Variants in ADCY5 observed in about 807,000 individuals in gnomAD.
ADCY5 encodes the protein adenylate cyclase type 5.
In ADCY5, 30 loss-of-function variants were observed where a neutral mutation model predicts 119.7. The observed-to-expected ratio is 0.25, with a 90% CI of 0.19 to 0.34. The LOEUF (loss-of-function observed/expected upper bound fraction) is 0.34. Ranked by LOEUF, ADCY5 falls within the 10% of genes least tolerant of loss-of-function variation. The probability of loss-of-function intolerance (pLI) is 1.00; values close to 1 mark genes in which losing one functional copy is unlikely to be tolerated. For synonymous variants in ADCY5, 753 were observed against 762.2 expected, an observed-to-expected ratio of 0.99 and a Z score of 0.20; for missense variants, 1,324 against 1,775.2, an observed-to-expected ratio of 0.75 and a Z score of 4.57.
intron 17 of ADCY5, among the ~76,000 whole-genome samples, chr3:123,295,571 C>T (rs1413367957): frequency 1.3e-5 from 2 of 152,224 alleles, no homozygotes; most frequent in African/African-American, 2.4e-5. Context: ...CAGTCCATCC[C>T]CTCTGGAGAA....
chr3:123,358,195 T>TGTGTGTGTGTGTATGTGTGTGTGA (rs58986112), intron 1 of ADCY5, among the ~76,000 whole-genome samples: 1 of 149,080 alleles, frequency 6.7e-6, no homozygotes, highest in African/African-American at 2.5e-5. Context: ...TGTGTGTGTG[T>TGTGTGTGTGTGTATGTGTGTGTGA]AGGGAGTTGG....
At chr3:123,405,725 C>A (rs1329229335) in intron 1 of ADCY5, among the ~76,000 whole-genome samples, 1 of 152,206 alleles carries the variant, frequency 6.6e-6, no homozygotes, top group African/African-American at 2.4e-5. Context: ...ACCTCCACCT[C>A]CCAGGTTCAA....
intron 8 of ADCY5, among the ~76,000 whole-genome samples, chr3:123,324,735 C>T (rs1941392388): frequency 6.6e-6 from 1 of 152,218 alleles, no homozygotes; most frequent in Admixed American, 6.5e-5. Context: ...GTGGAGCTGA[C>T]ACCCGACCAT....
chr3:123,431,382 C>T (rs968790041), intron 1 of ADCY5, among the ~76,000 whole-genome samples: 1 of 151,994 alleles, frequency 6.6e-6, no homozygotes, highest in African/African-American at 2.4e-5. Context: ...CTGTAATGCA[C>T]TATGATTGTG....
chr3:123,431,751 GT>G (rs1212911374), intron 1 of ADCY5, among the ~76,000 whole-genome samples: 4 of 152,130 alleles, frequency 2.6e-5, no homozygotes, highest in African/African-American at 7.2e-5. Context: ...CACCAACCAA[GT>G]TTTCTTCCCC....
At chr3:123,300,347 G>A in intron 14 of ADCY5, 52 bp from the exon 15 acceptor site, 1 of 1,581,686 alleles carries the variant, frequency 6.3e-7, no homozygotes, top group Non-Finnish European at 8.6e-7. Context: ...CCGACCCCGG[G>A]CCCTGGCCCC....
At chr3:123,409,570 A>G (rs1260112756) in intron 1 of ADCY5, among the ~76,000 whole-genome samples, 1 of 152,208 alleles carries the variant, frequency 6.6e-6, no homozygotes, top group African/African-American at 2.4e-5. Flanking sequence ...CTGATTATCT[A>G]GCACAGTGGT....
chr3:123,358,458 A>G (rs574813424), intron 1 of ADCY5, among the ~76,000 whole-genome samples: 6 of 152,060 alleles, frequency 3.9e-5, no homozygotes, highest in Non-Finnish European at 8.8e-5. Flanking sequence ...TAAAAATAAA[A>G]CAAATAAAAA....
intron 5 of ADCY5, among the ~76,000 whole-genome samples, chr3:123,329,462 C>A (rs1287806489): frequency 6.6e-6 from 1 of 152,172 alleles, no homozygotes; most frequent in Non-Finnish European, 1.5e-5. Flanking sequence ...TCCGTATGCA[C>A]TTATAACTCC....
At chr3:123,348,800 T>TG (rs2108486137) in intron 2 of ADCY5, among the ~76,000 whole-genome samples, 1 of 152,244 alleles carries the variant, frequency 6.6e-6, no homozygotes, top group African/African-American at 2.4e-5. Context: ...CCAGGCTCCC[T>TG]ATCAGGCTGG....
Position 123,448,638 on chromosome 3 carries a change from G to T in ADCY5, c.-93C>A. On this transcript the variant is annotated 5_prime_UTR_variant, in exon 1 of 21. In the 5' UTR this introduces an upstream ATG that the reference lacks. Transcript: ENST00000462833. ...GGCGGACGGCCGAGCAGGGGGACCA[G>T]GCTAGGGTCACACGTCGGGGGCGGC... 1 of 1,180,474 alleles carries T rather than the reference G, an allele frequency of 8.5e-7. No individual in the cohort carries two copies. Among genetic ancestry groups the T allele is most frequent in the Non-Finnish European group, 1.1e-6 (1 of 935,772 alleles). The allele number at this position is 1,180,474 out of a possible 1,614,324, so 73.1% of individuals were successfully genotyped here. A position where few individuals can be genotyped will look rare whatever the true frequency, so the allele number is the denominator to read the frequency against.
At position 123,314,231 on chromosome 3, in the gene ADCY5, T is replaced by G. The variant is rs776450398; in HGVS notation, c.2442+4A>C. Reference sequence around the variant, plus strand: ...GCTGCAACCCAGCTGTCAGCTACACTCACCTTTACGCAGGAGTAGATCACA... The same window carrying G: ...GCTGCAACCCAGCTGTCAGCTACACGCACCTTTACGCAGGAGTAGATCACA... On this transcript the variant is annotated splice_donor_region_variant and intron_variant, in intron 12 of 20. Coordinates refer to ENST00000462833, the MANE Select transcript of ADCY5 (RefSeq NM_183357.3). 2.5e-6 allele frequency: 4 copies of G among 1,610,112 alleles called. No individual in the cohort carries two copies. The Admixed American group carries it at 6.7e-5, about 27-fold the overall frequency.
rs1194780696 is a variant in ADCY5, at chr3:123,284,439, G to A, written c.*169C>T. On this transcript the variant is annotated 3_prime_UTR_variant, in exon 21 of 21. Coordinates refer to ENST00000462833, the MANE Select transcript of ADCY5 (RefSeq NM_183357.3). ...CTGGCACCCCGGGGCCTGGGACAGA[G>A]GCCGCTGCCCACCAGCAAAGGCAGA... 6 of 1,092,842 alleles carry A rather than the reference G, an allele frequency of 5.5e-6. No individual in the cohort carries two copies. The highest frequency in any genetic ancestry group is 6.4e-6 in the Non-Finnish European group (5 of 783,166). The allele number at this position is 1,092,842 out of a possible 1,614,324, so 67.7% of individuals were successfully genotyped here. A position where few individuals can be genotyped will look rare whatever the true frequency, so the allele number is the denominator to read the frequency against.
chr3:123,298,830 C>CTTTTTTTTTTTTTTTTTTTTT (rs35856404), intron 15 of ADCY5, among the ~76,000 whole-genome samples: 2 of 102,532 alleles, frequency 2.0e-5, no homozygotes, highest in African/African-American at 3.8e-5. Context: ...AAAACTGTCA[C>CTTTTTTTTTTTTTTTTTTTTT]TTTTTTTTTT....
intron 1 of ADCY5, among the ~76,000 whole-genome samples, chr3:123,390,607 G>T (rs1944376406): frequency 6.6e-6 from 1 of 152,228 alleles, no homozygotes; most frequent in Admixed American, 6.5e-5. Context: ...TTGCTTTGGG[G>T]GATTAAAAGA....
intron 1 of ADCY5, among the ~76,000 whole-genome samples, chr3:123,396,086 A>AGAG (rs1296350661): frequency 1.9e-3 from 41 of 21,228 alleles, no homozygotes; most frequent in East Asian, 3.2e-3. Context: ...GAGGGAGGGA[A>AGAG]GGAGGGAGGG....
chr3:123,297,413 G>A, intron 15 of ADCY5, 31 bp from the exon 16 acceptor site: 2 of 1,612,580 alleles, frequency 1.2e-6, no homozygotes, highest in South Asian at 1.1e-5. Flanking sequence ...GACTGGTCAG[G>A]GCCACCCTTC....
At chr3:123,396,592 AGAAAAAAGAG>A (rs1376985969) in intron 1 of ADCY5, among the ~76,000 whole-genome samples, 1 of 135,388 alleles carries the variant, frequency 7.4e-6, no homozygotes, top group African/African-American at 2.8e-5. Context: ...AGAAAAGAGA[AGAAAAAAGAG>A]AGAAGGGAGG....
intron 17 of ADCY5, among the ~76,000 whole-genome samples, chr3:123,292,778 C>CATGG (rs1410378004): frequency 6.6e-6 from 1 of 152,194 alleles, no homozygotes; most frequent in Non-Finnish European, 1.5e-5. Context: ...AGGAGCCCTG[C>CATGG]AGTCAGTTAT....
Sources: allele counts gnomAD v4.1 joint callset (sites outside exome capture counted in the v4.1 genomes callset), GRCh38; gene constraint gnomAD v4.1.1; transcripts MANE v1.5; gene names NCBI Gene and HGNC (gene_info 2026-07-23, HGNC 2026-07-21).